SRC: variants seen among roughly 807,000 people sequenced by gnomAD.
SRC encodes the protein SRC proto-oncogene, non-receptor tyrosine kinase.
In SRC, 13 loss-of-function variants were observed where a neutral mutation model predicts 62.9. That is an observed-to-expected ratio of 0.21 (90% CI 0.13 to 0.33). The LOEUF (loss-of-function observed/expected upper bound fraction) is 0.33. Ranked by LOEUF, SRC falls within the 10% of genes least tolerant of loss-of-function variation. The pLI, the probability that SRC is intolerant of heterozygous loss-of-function variation, is 1.00. For missense variants in SRC, 457 were observed against 737.3 expected, an observed-to-expected ratio of 0.62 and a Z score of 4.40; for synonymous variants, 302 against 317.5, an observed-to-expected ratio of 0.95 and a Z score of 0.52.
In SRC at chr20:37,404,531, G is replaced by C. The variant is rs972067292; in HGVS notation, c.*1152G>C. 4.3e-6 allele frequency: 1 copy of C among 233,660 alleles called. No homozygotes were observed. Among genetic ancestry groups the C allele is most frequent in the Non-Finnish European group, 8.5e-6 (1 of 118,026 alleles). The allele number at this position is 233,660 out of a possible 1,614,324, so 14.5% of individuals were successfully genotyped here. ...CTGGCCCTGTTCTCCTCCCCAAGTC[G>C]GCACCCTTTAACTCATGAGGAGGGA... On this transcript the variant is annotated 3_prime_UTR_variant, in exon 14 of 14. Coordinates refer to ENST00000373578, the MANE Select transcript of SRC (RefSeq NM_198291.3).
Position 37,403,418 on chromosome 20 carries a change from T to C in SRC, c.*39T>C, listed in dbSNP as rs1174546203. 2 of 1,528,494 alleles carry C rather than the reference T, an allele frequency of 1.3e-6. No individual in the cohort carries two copies. The highest frequency in any genetic ancestry group is 1.8e-6 in the Non-Finnish European group (2 of 1,135,968). 94.7% of individuals were successfully genotyped at this position (1,528,494 alleles called of 1,614,324 possible). On this transcript the variant is annotated 3_prime_UTR_variant, in exon 14 of 14. Coordinates refer to ENST00000373578, the MANE Select transcript of SRC (RefSeq NM_198291.3). This position sits in a 1 kb window ranked among gnomAD's most constrained non-coding sequence, Gnocchi z 7.1. ...CAGACCGGCTTCTCGGCTTGGATCCTGGGCTGGGTGGCCCCTGTCTCGGGG... is the reference window on the plus strand; with the variant it reads ...CAGACCGGCTTCTCGGCTTGGATCCCGGGCTGGGTGGCCCCTGTCTCGGGG...
In SRC at chr20:37,396,379, T is replaced by TTGGAGC; in HGVS notation, c.703+69_703+74dup. The TTGGAGC allele has an allele frequency of 6.3e-7, 1 of 1,586,422 alleles. No homozygotes were observed. On this transcript the variant is annotated intron_variant, in intron 8 of 13. Transcript: ENST00000373578. The surrounding 1 kb of genome is among the most constrained non-coding windows in gnomAD (Gnocchi z 6.1). ...CAGCTGCAGACTCTGGGGAGGGGCC[T>TTGGAGC]TGGAGCCTAGAAGGGTGGGGACTTC... is the stretch of plus-strand genomic sequence containing the variant.
rs145175329 is a variant in SRC at position 37,356,871 on chromosome 20, G to C, written c.-246-8333G>C. On this transcript the variant is annotated intron_variant, in intron 1 of 13. Coordinates refer to ENST00000373578, the MANE Select transcript of SRC (RefSeq NM_198291.3). The stretch of plus-strand genomic sequence containing the variant: ...CCAGATGGGCCTGGATTAGAATCCA[G>C]GCTTTGTTACCTGCTGGCTGGCAGA... Among the ~76,000 whole-genome samples, 704 of 152,342 alleles carry C rather than the reference G, an allele frequency of 4.6e-3. 7 individuals are homozygous for C. The highest frequency in any genetic ancestry group is 0.016 in the African/African-American group (662 of 41,580).
chr20:37,368,799 C>T lies in SRC; in HGVS notation c.-173+3522C>T, dbSNP rs563209289. Among the ~76,000 whole-genome samples, 367 of 152,114 alleles carry T rather than the reference C, an allele frequency of 2.4e-3. 1 individual carries two copies. The highest frequency in any genetic ancestry group is 4.1e-3 in the Non-Finnish European group (276 of 67,984). On this transcript the variant is annotated intron_variant, in intron 2 of 13. Transcript: ENST00000373578. ...ATCTCCTGACCTCGTGATCCGCCCG[C>T]CTCGGCCTCCCAAAGTGCTGGGATT...
intron 2 of SRC, among the ~76,000 whole-genome samples, chr20:37,373,315 T>C (rs1440180025): frequency 1.1e-4 from 17 of 151,726 alleles, no homozygotes; most frequent in African/African-American, 2.7e-4. Context: ...ACACATTACA[T>C]ATGTACACAC....
chr20:37,381,208 C>T (rs1458728964), intron 2 of SRC, among the ~76,000 whole-genome samples: 2 of 152,120 alleles, frequency 1.3e-5, no homozygotes, highest in African/African-American at 2.4e-5. Flanking sequence ...AGGACCTTAG[C>T]TTCGTCTTAA....
chr20:37,345,201 C>G (rs2069700421), upstream of SRC, among the ~76,000 whole-genome samples: 1 of 152,170 alleles, frequency 6.6e-6, no homozygotes, highest in Non-Finnish European at 1.5e-5. Flanking sequence ...CCCAGGCCCA[C>G]CTTTCCCTGT....
chr20:37,382,919 AGGG>A (rs2070386897), intron 3 of SRC, 133 bp downstream of exon 3: 1 of 152,276 alleles, frequency 6.6e-6, no homozygotes, highest in South Asian at 2.1e-4. Context: ...TGTGGGCGTC[AGGG>A]GGAGTTTTCA....
intron 1 of SRC, among the ~76,000 whole-genome samples, chr20:37,356,436 T>G (rs2069882928): frequency 6.6e-6 from 1 of 151,396 alleles, no homozygotes; most frequent in Admixed American, 6.6e-5. Flanking sequence ...GTGGCCCTGG[T>G]GGCCGCACTG....
chr20:37,347,092 G>A (rs1015712361), intron 1 of SRC, among the ~76,000 whole-genome samples: 2 of 152,240 alleles, frequency 1.3e-5, no homozygotes, highest in Admixed American at 6.5e-5. Context: ...GAACAGAAGG[G>A]GCTCACCTGT....
intron 1 of SRC, among the ~76,000 whole-genome samples, chr20:37,358,832 C>T (rs987222489): frequency 6.6e-6 from 1 of 152,278 alleles, no homozygotes; most frequent in African/African-American, 2.4e-5. Flanking sequence ...CCGGTGTCCG[C>T]CCCGGCCTGC....
chr20:37,350,586 G>GTC (rs2069787614), intron 1 of SRC, among the ~76,000 whole-genome samples: 2 of 152,236 alleles, frequency 1.3e-5, no homozygotes, highest in Non-Finnish European at 2.9e-5. Flanking sequence ...CCAAAGCCAA[G>GTC]TCACTTAGTC....
chr20:37,360,189 G>A (rs2069946396), intron 1 of SRC, among the ~76,000 whole-genome samples: 1 of 144,498 alleles, frequency 6.9e-6, no homozygotes, highest in African/African-American at 2.7e-5. Context: ...TAAAAAATGT[G>A]AACAATTTCT....
In SRC at chr20:37,384,104, C is replaced by T; in HGVS notation, c.-4-46C>T. 2.5e-6 allele frequency: 4 copies of T among 1,586,038 alleles called. No homozygotes were observed. The highest frequency in any genetic ancestry group is 3.4e-6 in the Non-Finnish European group (4 of 1,171,582). ...GGTGGGAGGGAGGCCGGCCAAGGGG[C>T]CCCGGCAGCCCTGCCTGTTCCAGTG... On this transcript the variant is annotated intron_variant, in intron 3 of 13. Transcript: ENST00000373578. This position sits in a 1 kb window ranked among gnomAD's most constrained non-coding sequence, Gnocchi z 6.7.
chr20:37,364,830 T>TAGA (rs2070036786), intron 1 of SRC, among the ~76,000 whole-genome samples: 1 of 152,214 alleles, frequency 6.6e-6, no homozygotes, highest in Non-Finnish European at 1.5e-5. Context: ...ACTGAGTGGC[T>TAGA]GTCCCGGGCT....
Position 37,396,079 on chromosome 20 carries a change from A to C in SRC, c.554-83A>C. Reference sequence around the variant, plus strand: ...CTGGGCCTCCCTTCCCTCCAATGTCAGGCAGGCACAGAACGGTGTCCAGAG... The same window carrying C: ...CTGGGCCTCCCTTCCCTCCAATGTCCGGCAGGCACAGAACGGTGTCCAGAG... On this transcript the variant is annotated intron_variant, in intron 7 of 13. Transcript: ENST00000373578. This position sits in a 1 kb window ranked among gnomAD's most constrained non-coding sequence, Gnocchi z 6.1. 6.5e-7 allele frequency: 1 copy of C among 1,536,680 alleles called. No homozygotes were observed. The highest frequency in any genetic ancestry group is 2.3e-5 in the East Asian group (1 of 43,978).
intron 11 of SRC, 198 bp downstream of exon 11, chr20:37,401,876 C>A (rs2070742846): frequency 2.1e-6 from 1 of 482,556 alleles, no homozygotes; most frequent in South Asian, 4.1e-5. Flanking sequence ...AGCAGAAGGC[C>A]CTTACCTGGG....
chr20:37,352,699 A>C (rs1237903604), intron 1 of SRC, among the ~76,000 whole-genome samples: 2 of 152,174 alleles, frequency 1.3e-5, no homozygotes, highest in African/African-American at 4.8e-5. Context: ...TGAAGCTCAG[A>C]GAGAGGCGGG....
At chr20:37,368,518 C>CTTTTTTTTTTTTTTGTTTTTTTTTTTTT (rs2070102489) in intron 2 of SRC, among the ~76,000 whole-genome samples, 12 of 73,898 alleles carry the variant, frequency 1.6e-4, no homozygotes, top group African/African-American at 2.6e-4. Context: ...CCTATATTTT[C>CTTTTTTTTTTTTTTGTTTTTTTTTTTTT]TTTTTTTTTT....
Sources: gnomAD v4.1 joint callset for allele counts (sites outside exome capture counted in the v4.1 genomes callset) on GRCh38, gnomAD v4.1.1 for gene constraint, Gnocchi (gnomAD v3.1) non-coding constraint, MANE v1.5 for transcripts, NCBI Gene and HGNC (gene_info 2026-07-23, HGNC 2026-07-21) for gene names.